The following ZC3H12C variants were observed in gnomAD, a reference collection of about 807,000 sequenced individuals.
ZC3H12C encodes zinc finger CCCH-type containing 12C, also known as probable ribonuclease ZC3H12C.
In ZC3H12C, 20 loss-of-function variants were observed where a neutral mutation model predicts 76.3. The observed-to-expected ratio is 0.26, with a 90% confidence interval of 0.18 to 0.38. The LOEUF (loss-of-function observed/expected upper bound fraction) is 0.38, where lower values mean the gene tolerates loss of function less well. Among genes scored for constraint, ZC3H12C ranks in the 10% least tolerant of loss-of-function variants. ZC3H12C has a pLI of 1.00. For synonymous variants in ZC3H12C, 352 were observed against 399.6 expected, an observed-to-expected ratio of 0.88 and a Z score of 1.42; for missense variants, 874 against 1,086.5, an observed-to-expected ratio of 0.80 and a Z score of 2.75.
At position 110,113,540 on chromosome 11, in the gene ZC3H12C, T is replaced by G. The variant is rs535622630; in HGVS notation, c.21+20108T>G. 4.6e-5 allele frequency among the ~76,000 whole-genome samples: 7 copies of G among 152,346 alleles called. No individual in the cohort carries two copies. In the South Asian group the frequency reaches 1.5e-3, roughly 32 times the overall value. On this transcript the variant is annotated intron_variant, in intron 1 of 5. Transcript: ENST00000278590. ...CTTTTGCAATTCAATCCTATGTTTT[T>G]GTTTTATGTATTGAAAAGCCTTACT...
At chr11:110,095,367 C>T (rs1017120066) in intron 1 of ZC3H12C, among the ~76,000 whole-genome samples, 2 of 152,248 alleles carry the variant, frequency 1.3e-5, no homozygotes, top group African/African-American at 4.8e-5. Context: ...CTATCACAGA[C>T]GTAAAAATGT....
rs184479378 is a variant in ZC3H12C at position 110,125,848 on chromosome 11, G to A, written c.22-10815G>A. 1.5e-4 allele frequency among the ~76,000 whole-genome samples: 23 copies of A among 152,306 alleles called. No homozygotes were observed. The East Asian group carries it at 3.7e-3, about 24-fold the overall frequency. ...GTGCTCATCAGATTCTCTGTCTCAG[G>A]AATTTGAACCTTGAATGGAGAACAC... On this transcript the variant is annotated intron_variant, in intron 1 of 5. Transcript: ENST00000278590.
Position 110,093,969 on chromosome 11 carries a change from C to A in ZC3H12C, c.21+537C>A, listed in dbSNP as rs994244452. On this transcript the variant is annotated intron_variant, in intron 1 of 5. Coordinates refer to ENST00000278590, the MANE Select transcript of ZC3H12C (RefSeq NM_033390.2). Reference sequence around the variant, plus strand: ...GCGTCACGAAAGCCCCTCACTCCCCCCTCGTCCCTCCTTCACCCCCAGGCT... The same window carrying A: ...GCGTCACGAAAGCCCCTCACTCCCCACTCGTCCCTCCTTCACCCCCAGGCT... Among the ~76,000 whole-genome samples the A allele has an allele frequency of 2.0e-5, 3 of 152,288 alleles. No individual in the cohort carries two copies. The East Asian group carries it at 5.8e-4, about 29-fold the overall frequency.
At position 110,163,266 on chromosome 11, in the gene ZC3H12C, A is replaced by G. The variant is rs1228347761; in HGVS notation, c.1149-7A>G. The G allele has an allele frequency of 6.2e-7, 1 of 1,607,456 alleles. No individual in the cohort carries two copies. On this transcript the variant is annotated splice_polypyrimidine_tract_variant and splice_region_variant and intron_variant, in intron 4 of 5. Transcript: ENST00000278590. Reference sequence around the variant, plus strand: ...TAGGTATCATTTTTTTATTATCTCCATGACAGGTTCATGCCCCCTGATGAC... The same window carrying G: ...TAGGTATCATTTTTTTATTATCTCCGTGACAGGTTCATGCCCCCTGATGAC...
intron 1 of ZC3H12C, among the ~76,000 whole-genome samples, chr11:110,125,677 T>TA (rs1198035296): frequency 2.6e-5 from 4 of 152,176 alleles, no homozygotes; most frequent in Non-Finnish European, 5.9e-5. Flanking sequence ...CACCTAGCAT[T>TA]TTCCTGCTCT....
intron 2 of ZC3H12C, among the ~76,000 whole-genome samples, 185 bp from the exon 3 acceptor site, chr11:110,152,734 T>A (rs1862295479): frequency 6.6e-6 from 1 of 152,222 alleles, no homozygotes; most frequent in Admixed American, 6.5e-5. Flanking sequence ...CTTTTCTGTT[T>A]TTCCTCACAG....
chr11:110,094,731 A>G (rs780451162), intron 1 of ZC3H12C, among the ~76,000 whole-genome samples: 9 of 152,308 alleles, frequency 5.9e-5, no homozygotes, highest in South Asian at 2.1e-4. Context: ...GAAGATGCCT[A>G]TTTCGGACTT....
intron 1 of ZC3H12C, among the ~76,000 whole-genome samples, chr11:110,120,959 A>G (rs1176168432): frequency 6.6e-6 from 1 of 152,218 alleles, no homozygotes; most frequent in Non-Finnish European, 1.5e-5. Context: ...GAAACTGTGG[A>G]GAAAAGTACT....
Position 110,165,782 on chromosome 11 carries a change from C to CA in ZC3H12C, c.*48dup. ...GTGTTTAGTAGTTTTTTGTTCAGCT[C>CA]AAATGCTGAGGGAGGTTTGCTACAA... is the stretch of plus-strand genomic sequence containing the variant. On this transcript the variant is annotated 3_prime_UTR_variant, in exon 6 of 6. Coordinates refer to ENST00000278590, the MANE Select transcript of ZC3H12C (RefSeq NM_033390.2). 6.6e-7 allele frequency: 1 copy of CA among 1,506,436 alleles called. No homozygotes were observed. The highest frequency in any genetic ancestry group is 8.9e-7 in the Non-Finnish European group (1 of 1,122,778). 93.3% of individuals were successfully genotyped at this position (1,506,436 alleles called of 1,614,324 possible). A position where few individuals can be genotyped will look rare whatever the true frequency, so the allele number is the denominator to read the frequency against.
chr11:110,118,109 C>T (rs1277576778), intron 1 of ZC3H12C, among the ~76,000 whole-genome samples: 6 of 137,042 alleles, frequency 4.4e-5, no homozygotes, highest in South Asian at 2.2e-4. Flanking sequence ...CACACATATA[C>T]ACACATACTT....
At chr11:110,126,216 CTTTTTTTTTTTTTTTTT>C (rs56199067) in intron 1 of ZC3H12C, among the ~76,000 whole-genome samples, 1 of 86,262 alleles carries the variant, frequency 1.2e-5, no homozygotes, top group Non-Finnish European at 2.4e-5. Flanking sequence ...TTGTTTTCTT[CTTTTTTTTTTTTTTTTT>C]TTTTTTTTGA....
intron 1 of ZC3H12C, among the ~76,000 whole-genome samples, chr11:110,111,540 CT>C (rs879491780): frequency 1.5e-3 from 99 of 67,016 alleles, no homozygotes; most frequent in Middle Eastern, 0.01. Context: ...TCCCCAGTAG[CT>C]TTTTTTTTTT....
At chr11:110,155,418 T>C (rs1161949928) in intron 3 of ZC3H12C, among the ~76,000 whole-genome samples, 1 of 152,128 alleles carries the variant, frequency 6.6e-6, no homozygotes, top group East Asian at 1.9e-4. Context: ...GGTCTTAAAA[T>C]GTTAATATTC....
chr11:110,140,713 T>C (rs1370650836), intron 2 of ZC3H12C, among the ~76,000 whole-genome samples: 1 of 152,218 alleles, frequency 6.6e-6, no homozygotes, highest in Non-Finnish European at 1.5e-5. Flanking sequence ...GTAGGCCTTA[T>C]TTTTGCATGT....
chr11:110,146,046 G>T (rs2134185406), intron 2 of ZC3H12C, among the ~76,000 whole-genome samples: 1 of 152,270 alleles, frequency 6.6e-6, no homozygotes, highest in Non-Finnish European at 1.5e-5. Flanking sequence ...GAGTGCTGTG[G>T]CGCGATCTCG....
chr11:110,158,588 A>T (rs1246903192), intron 3 of ZC3H12C, among the ~76,000 whole-genome samples: 1 of 151,908 alleles, frequency 6.6e-6, no homozygotes, highest in Admixed American at 6.6e-5. Flanking sequence ...TGTTTTCTCC[A>T]CATGATGACT....
chr11:110,115,748 C>CTTTTTTTT (rs71476067), intron 1 of ZC3H12C, among the ~76,000 whole-genome samples: 87 of 120,320 alleles, frequency 7.2e-4, no homozygotes, highest in Non-Finnish European at 9.2e-4. Flanking sequence ...TTCTCATTTT[C>CTTTTTTTT]TTTTTTTTTT....
At position 110,160,640 on chromosome 11, in the gene ZC3H12C, G is replaced by C. The variant is rs575849659; in HGVS notation, c.1148+1150G>C. Among the ~76,000 whole-genome samples the C allele has an allele frequency of 2.0e-5, 3 of 152,148 alleles. No individual in the cohort carries two copies. The South Asian group carries it at 6.2e-4, about 32-fold the overall frequency. On this transcript the variant is annotated intron_variant, in intron 4 of 5. Coordinates refer to ENST00000278590, the MANE Select transcript of ZC3H12C (RefSeq NM_033390.2). ...ATATTGTTCCCCTGGAAAGTCTCCA[G>C]GGGCAGTACTATGCGTGGAGCTGTC...
chr11:110,114,915 G>A (rs1172153632), intron 1 of ZC3H12C, among the ~76,000 whole-genome samples: 1 of 152,140 alleles, frequency 6.6e-6, no homozygotes, highest in Non-Finnish European at 1.5e-5. Flanking sequence ...ACTGAAAAGT[G>A]TAGCAGTTTA....
Sources: gnomAD v4.1 joint callset for allele counts (sites outside exome capture counted in the v4.1 genomes callset) on GRCh38, gnomAD v4.1.1 for gene constraint, MANE v1.5 for transcripts, NCBI Gene and HGNC (gene_info 2026-07-23, HGNC 2026-07-21) for gene names.